The following SHC4 variants were observed in gnomAD, a reference collection of about 807,000 sequenced individuals.
The protein encoded by SHC4 is SHC adaptor protein 4.
In SHC4, 41 loss-of-function variants were observed where a neutral mutation model predicts 69.4. The ratio of observed to expected loss-of-function variants is 0.59; its 90% confidence interval spans 0.46 to 0.77. The LOEUF is 0.77. Among genes scored for constraint, SHC4 ranks in the 30% least tolerant of loss-of-function variants. The probability of loss-of-function intolerance (pLI) is 0.00; values close to 1 mark genes in which losing one functional copy is unlikely to be tolerated. For missense variants in SHC4, 777 were observed against 783.8 expected, an observed-to-expected ratio of 0.99 and a Z score of 0.10; for synonymous variants, 318 against 299.3, an observed-to-expected ratio of 1.06 and a Z score of -0.64.
intron 9 of SHC4, among the ~76,000 whole-genome samples, chr15:48,846,170 C>T (rs1899088644): frequency 6.6e-6 from 1 of 152,226 alleles, no homozygotes; most frequent in Non-Finnish European, 1.5e-5. Flanking sequence ...GGCTAGAAGT[C>T]AGCTTTTAAA....
At chr15:48,919,873 A>G (rs1900711424) in intron 2 of SHC4, among the ~76,000 whole-genome samples, 1 of 152,160 alleles carries the variant, frequency 6.6e-6, no homozygotes, top group Non-Finnish European at 1.5e-5. Context: ...AACAATATCC[A>G]GATACCATAC....
chr15:48,845,398 T>G (rs73400400), intron 9 of SHC4, among the ~76,000 whole-genome samples: 1 of 152,114 alleles, frequency 6.6e-6, no homozygotes, highest in African/African-American at 2.4e-5. Context: ...AAAACACGAG[T>G]GAGGTTTCTA....
chr15:48,932,741 C>T (rs1312990295), intron 1 of SHC4, among the ~76,000 whole-genome samples: 4 of 152,132 alleles, frequency 2.6e-5, no homozygotes. Context: ...CTCTTCTATA[C>T]TCTGTATGAA....
At chr15:48,923,120 G>T (rs759049568) in intron 2 of SHC4, among the ~76,000 whole-genome samples, 5 of 152,150 alleles carry the variant, frequency 3.3e-5, no homozygotes, top group African/African-American at 4.8e-5. Context: ...GACTGAGAGA[G>T]GTTTGGAAAG....
At chr15:48,913,262 TC>T (rs145547266) in intron 2 of SHC4, among the ~76,000 whole-genome samples, 110 of 152,024 alleles carry the variant, frequency 7.2e-4, no homozygotes, top group East Asian at 6.6e-3. Context: ...CTTGGGCAGG[TC>T]TTGATGTGGC....
chr15:48,928,336 T>A (rs1900893581), intron 1 of SHC4, among the ~76,000 whole-genome samples: 1 of 152,202 alleles, frequency 6.6e-6, no homozygotes, highest in South Asian at 2.1e-4. Context: ...GGCTATAAGC[T>A]GTGGGTGGGA....
chr15:48,941,689 A>G (rs772374959), intron 1 of SHC4, among the ~76,000 whole-genome samples: 1 of 152,190 alleles, frequency 6.6e-6, no homozygotes, highest in Non-Finnish European at 1.5e-5. Context: ...AAATCAAGTA[A>G]CTTTGAAAGT....
intron 1 of SHC4, among the ~76,000 whole-genome samples, chr15:48,944,734 G>A (rs1567076275): frequency 6.6e-6 from 1 of 152,184 alleles, no homozygotes; most frequent in Non-Finnish European, 1.5e-5. Flanking sequence ...GGCAGCTGAG[G>A]AGTCAGGGTT....
intron 10 of SHC4, among the ~76,000 whole-genome samples, chr15:48,837,530 T>C (rs1409435494): frequency 6.6e-6 from 1 of 152,140 alleles, no homozygotes; most frequent in Non-Finnish European, 1.5e-5. Context: ...TTGACAATAA[T>C]AATTATAATC....
intron 2 of SHC4, among the ~76,000 whole-genome samples, chr15:48,892,771 G>A (rs551629511): frequency 6.6e-6 from 1 of 151,258 alleles, no homozygotes; most frequent in South Asian, 2.1e-4. Context: ...GCTGAGGCAG[G>A]AGAATCTCTT....
intron 1 of SHC4, among the ~76,000 whole-genome samples, chr15:48,946,984 T>C (rs970130217): frequency 6.6e-6 from 1 of 152,190 alleles, no homozygotes; most frequent in East Asian, 1.9e-4. Context: ...GTAAATAGGC[T>C]GTGTGAGCTC....
chr15:48,929,490 C>A (rs1816379399), intron 1 of SHC4, among the ~76,000 whole-genome samples: 1 of 152,152 alleles, frequency 6.6e-6, no homozygotes, highest in Admixed American at 6.5e-5. Context: ...AAGTGCCTGG[C>A]TCAGTTTCAT....
intron 2 of SHC4, among the ~76,000 whole-genome samples, chr15:48,919,317 T>TTTTTTTTTTTTG (rs1900697534): frequency 7.7e-6 from 1 of 130,552 alleles, no homozygotes; most frequent in African/African-American, 3.1e-5. Context: ...TTTTTTTTTG[T>TTTTTTTTTTTTG]AGAGATGGGG....
chr15:48,938,288 A>G (rs190360860), intron 1 of SHC4: 54 of 152,352 alleles, frequency 3.5e-4, no homozygotes, highest in African/African-American at 1.3e-3. Context: ...AGAAGAGAAG[A>G]AGCCTTAACA....
intron 6 of SHC4, among the ~76,000 whole-genome samples, chr15:48,866,043 C>T (rs1011039262): frequency 2.0e-5 from 3 of 152,230 alleles, no homozygotes; most frequent in African/African-American, 7.2e-5. Context: ...TATTCTGTGA[C>T]TGACGGCAAA....
intron 1 of SHC4, among the ~76,000 whole-genome samples, chr15:48,940,262 G>T (rs1408079465): frequency 6.6e-6 from 1 of 152,200 alleles, no homozygotes; most frequent in Admixed American, 6.5e-5. Context: ...GTGACACTGT[G>T]TTTATGGTCT....
chr15:48,907,838 G>GTA (rs1491440626), intron 2 of SHC4, among the ~76,000 whole-genome samples: 1,974 of 113,684 alleles, frequency 0.017, 50 homozygotes, highest in African/African-American at 0.06. Flanking sequence ...GTGTGTGTGT[G>GTA]TGTATATATA....
intron 11 of SHC4, among the ~76,000 whole-genome samples, chr15:48,832,618 GC>G (rs372408505): frequency 5.3e-5 from 8 of 151,970 alleles, no homozygotes; most frequent in African/African-American, 1.9e-4. Flanking sequence ...TAAGCTTTCT[GC>G]CCCCTTTCCC....
chr15:48,917,056 C>G (rs897380011), intron 2 of SHC4, among the ~76,000 whole-genome samples: 1 of 152,196 alleles, frequency 6.6e-6, no homozygotes. Context: ...CCCTTTCTCA[C>G]CAGCTCCACT....
Sources: gnomAD v4.1 joint callset for allele counts (sites outside exome capture counted in the v4.1 genomes callset) on GRCh38, gnomAD v4.1.1 for gene constraint, MANE v1.5 for transcripts, NCBI Gene and HGNC (gene_info 2026-07-23, HGNC 2026-07-21) for gene names.